ARHGEF3: variants seen among roughly 807,000 people sequenced by gnomAD.
ARHGEF3 encodes the protein Rho guanine nucleotide exchange factor 3, also known as 59.8 kDA protein.
Under a neutral mutation model 63.2 loss-of-function variants are expected in ARHGEF3, and 28 were observed. The ratio of observed to expected loss-of-function variants is 0.44; its 90% CI spans 0.33 to 0.61. The LOEUF (loss-of-function observed/expected upper bound fraction) is 0.61, where lower values mean the gene tolerates loss of function less well. Ranked by LOEUF, ARHGEF3 falls within the 20% of genes least tolerant of loss-of-function variation. The pLI, the probability that ARHGEF3 is intolerant of heterozygous loss-of-function variation, is 0.03. For missense variants in ARHGEF3, 533 were observed against 659.3 expected (o/e 0.81, Z 2.10); for synonymous variants, 266 against 254.2 (o/e 1.05, Z -0.44).
chr3:56,958,474 A>G (rs57608007), intron 3 of ARHGEF3, among the ~76,000 whole-genome samples: 39,030 of 151,702 alleles, frequency 0.26, 5,860 homozygotes, highest in East Asian at 0.37. Flanking sequence ...GACTACAGGC[A>G]CATGCCACCG....
chr3:56,758,609 G>A (rs1462484745), intron 2 of ARHGEF3, among the ~76,000 whole-genome samples: 1 of 152,126 alleles, frequency 6.6e-6, no homozygotes, highest in African/African-American at 2.4e-5. Context: ...GCTCACTAAT[G>A]AGCTCATGAT....
intron 4 of ARHGEF3, among the ~76,000 whole-genome samples, chr3:56,877,687 T>G (rs999154799): frequency 6.6e-6 from 1 of 152,162 alleles, no homozygotes; most frequent in African/African-American, 2.4e-5. Context: ...TTTTAAAAAC[T>G]GTGTATGCTT....
chr3:56,991,166 G>C (rs1228556313), intron 2 of ARHGEF3, among the ~76,000 whole-genome samples: 4 of 151,992 alleles, frequency 2.6e-5, no homozygotes, highest in Non-Finnish European at 5.9e-5. Context: ...CTGGTCTTCC[G>C]ACCCCAGACT....
intron 1 of ARHGEF3, among the ~76,000 whole-genome samples, chr3:56,785,148 C>T (rs890349914): frequency 6.6e-6 from 1 of 152,172 alleles, no homozygotes; most frequent in African/African-American, 2.4e-5. Flanking sequence ...CAGAATCATA[C>T]CAATAACTGC....
chr3:56,880,799 A>G (rs2040740395), intron 4 of ARHGEF3, among the ~76,000 whole-genome samples: 1 of 152,246 alleles, frequency 6.6e-6, no homozygotes, highest in Non-Finnish European at 1.5e-5. Context: ...TTCACTTGTC[A>G]ATAACAAAAT....
At chr3:56,752,227 T>C (rs4619759) in intron 4 of ARHGEF3, among the ~76,000 whole-genome samples, 44,186 of 151,670 alleles carry the variant, frequency 0.29, 9,067 homozygotes, top group African/African-American at 0.57. Context: ...AGCCTAATTT[T>C]TGTATTTTTT....
intron 2 of ARHGEF3, among the ~76,000 whole-genome samples, chr3:57,016,969 G>A (rs1404091242): frequency 6.6e-6 from 1 of 151,718 alleles, no homozygotes; most frequent in Non-Finnish European, 1.5e-5. Flanking sequence ...GACACAGTGA[G>A]GCCTGGTGGG....
At chr3:56,812,905 T>C (rs1332950212) in intron 4 of ARHGEF3, among the ~76,000 whole-genome samples, 6 of 152,146 alleles carry the variant, frequency 3.9e-5, no homozygotes, top group Non-Finnish European at 7.4e-5. Context: ...AGACAATACA[T>C]GGTGAACAAA....
intron 2 of ARHGEF3, among the ~76,000 whole-genome samples, chr3:57,017,896 AAGAGAAACG>A (rs1703087751): frequency 6.6e-6 from 1 of 152,226 alleles, no homozygotes; most frequent in Non-Finnish European, 1.5e-5. Flanking sequence ...CATGAATAGG[AAGAGAAACG>A]AGCTTGGAAA....
intron 2 of ARHGEF3, among the ~76,000 whole-genome samples, chr3:57,021,486 G>A (rs771956278): frequency 6.6e-5 from 10 of 152,056 alleles, no homozygotes; most frequent in Non-Finnish European, 8.8e-5. Flanking sequence ...GGCCAGGCGC[G>A]GTGGCTCACA....
intron 2 of ARHGEF3, among the ~76,000 whole-genome samples, chr3:57,015,265 T>A (rs1242976825): frequency 6.6e-6 from 1 of 152,140 alleles, no homozygotes; most frequent in Non-Finnish European, 1.5e-5. Flanking sequence ...GAGATAAACT[T>A]CTTACTCTCC....
chr3:56,950,135 ATGG>A (rs1699729822), intron 3 of ARHGEF3, among the ~76,000 whole-genome samples: 2 of 152,086 alleles, frequency 1.3e-5, no homozygotes, highest in African/African-American at 4.8e-5. Context: ...TTAATTCAAG[ATGG>A]ATTAAAGACT....
chr3:56,949,354 A>G (rs1203236545), intron 3 of ARHGEF3, among the ~76,000 whole-genome samples: 1 of 151,970 alleles, frequency 6.6e-6, no homozygotes, highest in Non-Finnish European at 1.5e-5. Context: ...CTGTTTGCAG[A>G]TGACATGATT....
At chr3:56,996,426 C>T (rs1321194780) in intron 2 of ARHGEF3, among the ~76,000 whole-genome samples, 2 of 152,252 alleles carry the variant, frequency 1.3e-5, no homozygotes, top group African/African-American at 4.8e-5. Flanking sequence ...ACCTAATCCC[C>T]CATGTGATGG....
intron 3 of ARHGEF3, among the ~76,000 whole-genome samples, 185 bp from the exon 4 acceptor site, chr3:56,753,751 T>C (rs1007350328): frequency 6.6e-6 from 1 of 152,216 alleles, no homozygotes; most frequent in Non-Finnish European, 1.5e-5. Flanking sequence ...AACTGCTGCA[T>C]ATTGTGCTTC....
chr3:56,739,638 G>A (rs1173487677), intron 7 of ARHGEF3, among the ~76,000 whole-genome samples: 1 of 152,094 alleles, frequency 6.6e-6, no homozygotes, highest in African/African-American at 2.4e-5. Flanking sequence ...AGACTCAAGC[G>A]ATCTGCCTGC....
At chr3:57,046,465 T>C (rs985717914) in intron 1 of ARHGEF3, among the ~76,000 whole-genome samples, 2 of 152,176 alleles carry the variant, frequency 1.3e-5, no homozygotes, top group South Asian at 2.1e-4. Flanking sequence ...CTGACCCAAA[T>C]GTCAGCTGAG....
intron 2 of ARHGEF3, among the ~76,000 whole-genome samples, chr3:56,979,965 G>T (rs929368790): frequency 5.3e-5 from 8 of 152,144 alleles, no homozygotes; most frequent in African/African-American, 9.7e-5. Context: ...AGCTGCGTGG[G>T]TTCTGATCAC....
At chr3:57,002,449 A>ATATAT (rs1560122538) in intron 2 of ARHGEF3, among the ~76,000 whole-genome samples, 2 of 82,470 alleles carry the variant, frequency 2.4e-5, no homozygotes, top group African/African-American at 9.5e-5. Context: ...TATGCCAGGC[A>ATATAT]CTGTTCTAAG....
Sources: gnomAD v4.1 joint callset for allele counts (sites outside exome capture counted in the v4.1 genomes callset) on GRCh38, gnomAD v4.1.1 for gene constraint, MANE v1.5 for transcripts, NCBI Gene and HGNC (gene_info 2026-07-23, HGNC 2026-07-21) for gene names.